The following AUTS2 variants were observed in gnomAD, a reference collection of about 807,000 sequenced individuals.
The protein encoded by AUTS2 is activator of transcription and developmental regulator AUTS2.
A neutral mutation model predicts 112.4 loss-of-function variants in AUTS2; 17 were observed. The ratio of observed to expected loss-of-function variants is 0.15; its 90% CI spans 0.10 to 0.23. The LOEUF (loss-of-function observed/expected upper bound fraction) is 0.23. Among genes scored for constraint, AUTS2 ranks in the 10% least tolerant of loss-of-function variants. The pLI, the probability that AUTS2 is intolerant of heterozygous loss-of-function variation, is 1.00. For missense variants in AUTS2, 1,510 were observed against 1,701.6 expected, an observed-to-expected ratio of 0.89 and a Z score of 1.98; for synonymous variants, 751 against 702.7, an observed-to-expected ratio of 1.07 and a Z score of -1.09.
chr7:70,140,699 T>G (rs1806817077), intron 4 of AUTS2, among the ~76,000 whole-genome samples: 1 of 152,214 alleles, frequency 6.6e-6, no homozygotes, highest in Non-Finnish European at 1.5e-5. Flanking sequence ...TTATTAGTAA[T>G]TAACACTAGG....
rs1361936959 is a variant in AUTS2, at chr7:69,598,632, A to AAGC, written c.-1021_-1019dup. The AAGC allele has an allele frequency of 3.2e-5, 5 of 154,176 alleles. No individual in the cohort carries two copies. The East Asian group carries it at 1.1e-3, about 33-fold the overall frequency. The allele number at this position is 154,176 out of a possible 1,614,324, so 9.6% of individuals were successfully genotyped here. On this transcript the variant is annotated 5_prime_UTR_variant, in exon 1 of 19. Coordinates refer to ENST00000342771, the MANE Select transcript of AUTS2 (RefSeq NM_015570.4). ...TCTCCCTCAGGCGGGGCGGCGAGAG[A>AAGC]AGCGGCGGCGGCGGCGGCGGCACAC... is the stretch of plus-strand genomic sequence containing the variant.
chr7:70,254,329 C>T (rs1484546065), intron 4 of AUTS2, among the ~76,000 whole-genome samples: 5 of 152,162 alleles, frequency 3.3e-5, no homozygotes, highest in Non-Finnish European at 5.9e-5. Flanking sequence ...TCATTCCAGT[C>T]TTCACTCATG....
chr7:70,251,461 T>A (rs893794821), intron 4 of AUTS2, among the ~76,000 whole-genome samples: 12 of 152,220 alleles, frequency 7.9e-5, no homozygotes, highest in African/African-American at 2.9e-4. Context: ...CTTTTATCAG[T>A]TAAATTTAAG....
chr7:70,615,564 G>GGTT (rs1804313092), intron 5 of AUTS2, among the ~76,000 whole-genome samples: 1 of 109,116 alleles, frequency 9.2e-6, no homozygotes, highest in African/African-American at 3.8e-5. Context: ...AAGATTTATG[G>GGTT]CTTGTTGTTG....
chr7:70,269,003 G>T (rs960007804), intron 4 of AUTS2, among the ~76,000 whole-genome samples: 1 of 152,048 alleles, frequency 6.6e-6, no homozygotes, highest in Non-Finnish European at 1.5e-5. Context: ...AACCTTAATC[G>T]TCTCCTCTCA....
intron 4 of AUTS2, among the ~76,000 whole-genome samples, chr7:70,192,344 G>T (rs73171706): frequency 0.026 from 4,026 of 152,280 alleles, 69 homozygotes; most frequent in Middle Eastern, 0.054. Flanking sequence ...CATGAATTTA[G>T]TGTGGGCCCT....
At chr7:69,792,300 C>T (rs1236911083) in intron 1 of AUTS2, among the ~76,000 whole-genome samples, 2 of 150,888 alleles carry the variant, frequency 1.3e-5, no homozygotes, top group Non-Finnish European at 2.9e-5. Context: ...AGCGCAGTGG[C>T]GCAATCTCTG....
chr7:69,740,075 A>G (rs1424848625), intron 1 of AUTS2, among the ~76,000 whole-genome samples: 1 of 152,212 alleles, frequency 6.6e-6, no homozygotes, highest in Non-Finnish European at 1.5e-5. Context: ...TGTAGTTTAC[A>G]GCAGCCTGTA....
At chr7:69,880,659 G>A (rs1024382433) in intron 1 of AUTS2, among the ~76,000 whole-genome samples, 1 of 152,134 alleles carries the variant, frequency 6.6e-6, no homozygotes, top group Non-Finnish European at 1.5e-5. Flanking sequence ...TTTTCGAAGC[G>A]GGAAATCAGG....
chr7:70,322,509 C>G (rs1790300886), intron 4 of AUTS2, among the ~76,000 whole-genome samples: 1 of 152,132 alleles, frequency 6.6e-6, no homozygotes, highest in South Asian at 2.1e-4. Context: ...TACCTGTTAG[C>G]CTCATGCCTG....
intron 1 of AUTS2, among the ~76,000 whole-genome samples, chr7:69,860,386 A>G (rs966616526): frequency 1.3e-5 from 2 of 152,200 alleles, no homozygotes; most frequent in African/African-American, 4.8e-5. Flanking sequence ...TATAATTAAC[A>G]TACAATCAAA....
At chr7:70,181,304 T>G (rs563722403) in intron 4 of AUTS2, among the ~76,000 whole-genome samples, 1 of 152,342 alleles carries the variant, frequency 6.6e-6, no homozygotes, top group East Asian at 1.9e-4. Context: ...GCATATTTTA[T>G]TGAGCACCTA....
intron 5 of AUTS2, among the ~76,000 whole-genome samples, chr7:70,531,891 C>T (rs749421368): frequency 6.6e-6 from 1 of 152,174 alleles, no homozygotes; most frequent in Non-Finnish European, 1.5e-5. Flanking sequence ...GCTCATAATT[C>T]TGTGGGTCAG....
chr7:70,309,212 C>T (rs1185308495), intron 4 of AUTS2, among the ~76,000 whole-genome samples: 1 of 152,150 alleles, frequency 6.6e-6, no homozygotes, highest in Non-Finnish European at 1.5e-5. Context: ...TGTCTTATAA[C>T]ATTATACTAT....
intron 4 of AUTS2, among the ~76,000 whole-genome samples, chr7:70,143,838 G>A (rs1336711591): frequency 1.3e-5 from 2 of 152,104 alleles, no homozygotes; most frequent in Non-Finnish European, 2.9e-5. Flanking sequence ...GTCTAAATGT[G>A]CTGCTGTGCG....
intron 1 of AUTS2, among the ~76,000 whole-genome samples, chr7:69,768,142 G>C (rs979322745): frequency 2.0e-5 from 3 of 152,172 alleles, no homozygotes; most frequent in Non-Finnish European, 4.4e-5. Context: ...ACAAGTCTCT[G>C]ATGCAATGGG....
At chr7:70,560,785 A>C (rs1395975015) in intron 5 of AUTS2, among the ~76,000 whole-genome samples, 1 of 152,108 alleles carries the variant, frequency 6.6e-6, no homozygotes, top group East Asian at 1.9e-4. Flanking sequence ...TTGACTTCTA[A>C]TTTTGTCCTC....
chr7:69,742,057 C>T (rs1024415952), intron 1 of AUTS2, among the ~76,000 whole-genome samples: 10 of 151,366 alleles, frequency 6.6e-5, no homozygotes, highest in Admixed American at 6.6e-5. Flanking sequence ...CCACCTCAGC[C>T]TCTGAAAGTG....
chr7:69,959,222 G>A (rs1022071574), intron 2 of AUTS2, among the ~76,000 whole-genome samples: 4 of 152,000 alleles, frequency 2.6e-5, no homozygotes, highest in African/African-American at 4.8e-5. Context: ...TATTGTTCCT[G>A]TTGTGTTTTT....
Sources: gnomAD v4.1 joint callset for allele counts (sites outside exome capture counted in the v4.1 genomes callset) on GRCh38, gnomAD v4.1.1 for gene constraint, MANE v1.5 for transcripts, NCBI Gene and HGNC (gene_info 2026-07-23, HGNC 2026-07-21) for gene names.